EPS15L1: variants seen among roughly 807,000 people sequenced by gnomAD.
EPS15L1 encodes the protein epidermal growth factor receptor substrate 15-like 1.
EPS15L1 carries 43 observed loss-of-function variants against 117.1 expected under a neutral mutation model. The observed-to-expected ratio is 0.37, with a 90% CI of 0.29 to 0.47. EPS15L1 has a LOEUF of 0.47. EPS15L1 is among the 20% of genes least tolerant of loss of function. The pLI, the probability that EPS15L1 is intolerant of heterozygous loss-of-function variation, is 0.99. For synonymous variants in EPS15L1, 459 were observed against 470.5 expected (o/e 0.98, Z 0.32); for missense variants, 981 against 1,164.0 (o/e 0.84, Z 2.29).
At chr19:16,360,309 G>C (rs919345907) in intron 23 of EPS15L1, among the ~76,000 whole-genome samples, 3 of 152,084 alleles carry the variant, frequency 2.0e-5, no homozygotes, top group Non-Finnish European at 4.4e-5. Flanking sequence ...AGAAACTCTA[G>C]ATAAAGCAGG....
At chr19:16,455,381 C>T (rs1383150165) in intron 1 of EPS15L1, among the ~76,000 whole-genome samples, 3 of 152,166 alleles carry the variant, frequency 2.0e-5, no homozygotes, top group South Asian at 2.1e-4. Context: ...CTGCCTTGGC[C>T]TCCCAAAGTG....
chr19:16,413,207 G>A, intron 13 of EPS15L1: 3 of 647,234 alleles, frequency 4.6e-6, no homozygotes, highest in Middle Eastern at 4.0e-4. Flanking sequence ...GCTACTGGGG[G>A]AACAAGATCA....
In EPS15L1 at chr19:16,405,426, T is replaced by G. The variant is rs554305924; in HGVS notation, c.1267-677A>C. Among the ~76,000 whole-genome samples, 1 of 152,240 alleles carries G rather than the reference T, an allele frequency of 6.6e-6. No homozygotes were observed. Among genetic ancestry groups the G allele is most frequent in the East Asian group, 1.9e-4 (1 of 5,180 alleles). On this transcript the variant is annotated intron_variant, in intron 13 of 23. Transcript: ENST00000455140. The surrounding 1 kb of genome is among the most constrained non-coding windows in gnomAD (Gnocchi z 4.0). ...GACATCATGATTCTGTTTCTGAAGC[T>G]CTCTCTGACCCCGTGGGATGGATCC...
At chr19:16,401,679 C>T in intron 16 of EPS15L1, 1 of 985,452 alleles carries the variant, frequency 1.0e-6, no homozygotes, top group African/African-American at 1.7e-5. Flanking sequence ...GTATCAGGGG[C>T]TCAAGAGCTC....
intron 22 of EPS15L1, among the ~76,000 whole-genome samples, chr19:16,362,990 T>G (rs1465295972): frequency 6.6e-6 from 1 of 152,134 alleles, no homozygotes; most frequent in East Asian, 1.9e-4. Context: ...AAAATGACAC[T>G]GTGTGGGGGA....
intron 1 of EPS15L1, among the ~76,000 whole-genome samples, chr19:16,456,018 T>C (rs1055159016): frequency 3.9e-5 from 6 of 152,050 alleles, no homozygotes; most frequent in South Asian, 2.1e-4. Context: ...CTGACCAACA[T>C]GGAGAAATCT....
chr19:16,424,001 G>A (rs2092842966), intron 9 of EPS15L1, among the ~76,000 whole-genome samples: 1 of 152,256 alleles, frequency 6.6e-6, no homozygotes, highest in South Asian at 2.1e-4. Context: ...GCAAGATTCT[G>A]ATGCCAAATT....
At chr19:16,362,245 T>C (rs79426952) in intron 22 of EPS15L1, among the ~76,000 whole-genome samples, 1 of 152,250 alleles carries the variant, frequency 6.6e-6, no homozygotes, top group South Asian at 2.1e-4. Flanking sequence ...AGCTAAAACT[T>C]GAGTTGTCCT....
chr19:16,380,554 G>A (rs1021134906), intron 21 of EPS15L1, among the ~76,000 whole-genome samples: 8 of 151,884 alleles, frequency 5.3e-5, no homozygotes, highest in Admixed American at 3.3e-4. Context: ...TCACACCGAC[G>A]TGGCCATCTA....
At position 16,386,206 on chromosome 19, in the gene EPS15L1, G is replaced by A; in HGVS notation, c.2129C>T (p.Pro710Leu). 2.5e-6 allele frequency: 4 copies of A among 1,612,686 alleles called. No individual in the cohort carries two copies. Among genetic ancestry groups the A allele is most frequent in the Non-Finnish European group, 2.5e-6 (3 of 1,178,948 alleles). ...SKLDPFESSD[P>L]FSSSSVSSKG... ...TGAGGAGACACTGGAGGATGAAAAG[G>A]GATCACTGGATTCAAAGGGGTCGAG... The change falls in exon 20 of 24, where the codon CCC (proline) becomes CTC (leucine). Residue 710 changes from proline to leucine, a missense_variant. By Grantham distance (98) the Pro-to-Leu change is moderately conservative. Transcript: ENST00000455140.
At position 16,471,957 on chromosome 19, in the gene EPS15L1, C is replaced by T; in HGVS notation, c.-12G>A. 1 of 1,284,726 alleles carries T rather than the reference C, an allele frequency of 7.8e-7. No homozygotes were observed. The highest frequency in any genetic ancestry group is 9.8e-7 in the Non-Finnish European group (1 of 1,016,996). The allele number at this position is 1,284,726 out of a possible 1,614,324, so 79.6% of individuals were successfully genotyped here. A position where few individuals can be genotyped will look rare whatever the true frequency, so the allele number is the denominator to read the frequency against. On this transcript the variant is annotated 5_prime_UTR_variant, in exon 1 of 24. Transcript: ENST00000455140. The surrounding 1 kb of genome is among the most constrained non-coding windows in gnomAD (Gnocchi z 4.8). ...AGCGGCGCCGCCATCTTCCCGCGGA[C>T]TCGGGCTCCGAGCGCCGGGGGAACG...
rs1435699011 is a variant in EPS15L1 at position 16,383,411 on chromosome 19, C to A, written c.2247+1718G>T. 6.6e-6 allele frequency: 1 copy of A among 152,248 alleles called. No homozygotes were observed. The highest frequency in any genetic ancestry group is 2.4e-5 in the African/African-American group (1 of 41,450). The allele number at this position is 152,248 out of a possible 1,614,324, so 9.4% of individuals were successfully genotyped here. ...AGGAAGAGGAGTCCACTTGCGACAA[C>A]CAGAAACGACCAGGACGCCTGAGGG... On this transcript the variant is annotated intron_variant, in intron 21 of 23. Coordinates refer to ENST00000455140, the MANE Select transcript of EPS15L1 (RefSeq NM_001258374.3). The surrounding 1 kb of genome is among the most constrained non-coding windows in gnomAD (Gnocchi z 5.2).
At chr19:16,417,924 C>CA in intron 11 of EPS15L1, 24 bp downstream of exon 11, 1 of 1,604,636 alleles carries the variant, frequency 6.2e-7, no homozygotes, top group Non-Finnish European at 8.5e-7. Context: ...TCAATACCCC[C>CA]AGGGCATGAC....
In EPS15L1 at chr19:16,402,095, C is replaced by T. The variant is rs182764320; in HGVS notation, c.1791+226G>A. On this transcript the variant is annotated intron_variant, in intron 16 of 23. Transcript: ENST00000455140. ...ATTCAAAACAGGTTCTGAAAGGATC[C>T]AGGCCTATCTTGGACTTTGTTCTGG... The T allele has an allele frequency of 7.9e-5, 104 of 1,313,746 alleles. No individual in the cohort carries two copies. The African/African-American group carries it at 1.2e-3, about 16-fold the overall frequency. The allele number at this position is 1,313,746 out of a possible 1,614,324, so 81.4% of individuals were successfully genotyped here.
chr19:16,397,470 T>C (rs746867171), intron 16 of EPS15L1, among the ~76,000 whole-genome samples: 5 of 151,972 alleles, frequency 3.3e-5, no homozygotes, highest in Non-Finnish European at 7.4e-5. Context: ...GGAAATGCCA[T>C]GAAGAAAACT....
At chr19:16,436,216 G>A (rs1316760625) in intron 6 of EPS15L1, among the ~76,000 whole-genome samples, 1 of 152,174 alleles carries the variant, frequency 6.6e-6, no homozygotes, top group Non-Finnish European at 1.5e-5. Context: ...CTTTATTTGA[G>A]AGCAAGAGTG....
At chr19:16,393,818 G>A in intron 18 of EPS15L1, 133 bp downstream of exon 18, 1 of 915,526 alleles carries the variant, frequency 1.1e-6, no homozygotes, top group African/African-American at 1.6e-5. Context: ...GGTACAACAT[G>A]GATGGACGGC....
At position 16,405,818 on chromosome 19, in the gene EPS15L1, C is replaced by T. The variant is rs115277133; in HGVS notation, c.1267-1069G>A. Among the ~76,000 whole-genome samples the T allele has an allele frequency of 1.5e-3, 226 of 152,364 alleles. 1 individual carries two copies. Among genetic ancestry groups the T allele is most frequent in the African/African-American group, 4.8e-3 (201 of 41,580 alleles). On this transcript the variant is annotated intron_variant, in intron 13 of 23. Transcript: ENST00000455140. The surrounding 1 kb of genome is among the most constrained non-coding windows in gnomAD (Gnocchi z 4.0). ...CCAAGAAGAGGGCAGAGGCTTCTCACCTCCTGATTTTCAACCACGCAAATG... is the reference window on the plus strand; with the variant it reads ...CCAAGAAGAGGGCAGAGGCTTCTCATCTCCTGATTTTCAACCACGCAAATG...
chr19:16,441,670 C>T, intron 3 of EPS15L1: 1 of 379,298 alleles, frequency 2.6e-6, no homozygotes, highest in Non-Finnish European at 4.7e-6. Flanking sequence ...GCTATCAAGA[C>T]CCCAAAAGTA....
Sources: gnomAD v4.1 joint callset for allele counts (sites outside exome capture counted in the v4.1 genomes callset) on GRCh38, gnomAD v4.1.1 for gene constraint, Gnocchi (gnomAD v3.1) non-coding constraint, MANE v1.5 for transcripts, NCBI Gene and HGNC (gene_info 2026-07-23, HGNC 2026-07-21) for gene names.